Variants in C12orf54 observed in about 807,000 individuals in gnomAD.
C12orf54 encodes the protein chromosome 12 open reading frame 54, also known as uncharacterized protein C12orf54.
C12orf54 carries 24 observed loss-of-function variants against 26.4 expected under a neutral mutation model. That is an observed-to-expected ratio of 0.91 (90% CI 0.66 to 1.28). C12orf54 has a LOEUF of 1.28. Ranked by LOEUF, C12orf54 falls within the 50% of genes most tolerant of loss-of-function variation. The pLI is 0.00. For missense variants in C12orf54, 154 were observed against 150.9 expected (o/e 1.02, Z -0.11); for synonymous variants, 54 against 47.0 (o/e 1.15, Z -0.61).
At chr12:48,416,605 T>C in the C12orf54 span, among the ~76,000 whole-genome samples, 1 of 152,182 alleles carries the variant, frequency 6.6e-6, no homozygotes, top group African/African-American at 2.4e-5. Context: ...CTCATGCCTG[T>C]AATCCTAGCA....
the C12orf54 span, among the ~76,000 whole-genome samples, chr12:48,423,498 A>T: frequency 1.3e-5 from 2 of 152,210 alleles, no homozygotes; most frequent in East Asian, 3.9e-4. Context: ...GAAAGTATGC[A>T]AAAATTCAGT....
At chr12:48,490,205 G>A (rs1222994117) in intron 5 of C12orf54, among the ~76,000 whole-genome samples, 1 of 152,236 alleles carries the variant, frequency 6.6e-6, no homozygotes, top group Non-Finnish European at 1.5e-5. Flanking sequence ...TGAATTGTGT[G>A]TCTCCCACCC....
At chr12:48,462,867 T>TA in the C12orf54 span, among the ~76,000 whole-genome samples, 1 of 151,808 alleles carries the variant, frequency 6.6e-6, no homozygotes, top group Non-Finnish European at 1.5e-5. Context: ...ACCACTTCTA[T>TA]TAAACATTGT....
At chr12:48,472,733 C>T in the C12orf54 span, 6 of 1,614,012 alleles carry the variant, frequency 3.7e-6, no homozygotes, top group South Asian at 3.3e-5. Flanking sequence ...AAGAACTTTT[C>T]CTGGACAACA....
At chr12:48,419,581 A>T in the C12orf54 span, among the ~76,000 whole-genome samples, 1 of 152,150 alleles carries the variant, frequency 6.6e-6, no homozygotes, top group Non-Finnish European at 1.5e-5. Flanking sequence ...TCAAGGAGGG[A>T]TAGATGATGG....
At chr12:48,477,334 G>T in the C12orf54 span, among the ~76,000 whole-genome samples, 2 of 152,144 alleles carry the variant, frequency 1.3e-5, no homozygotes, top group Non-Finnish European at 2.9e-5. Flanking sequence ...ACAATTAAAA[G>T]AACTAGAAAA....
the C12orf54 span, among the ~76,000 whole-genome samples, chr12:48,462,554 TTACTC>T: frequency 3.3e-5 from 5 of 151,584 alleles, no homozygotes; most frequent in African/African-American, 4.8e-5. Flanking sequence ...TAAGTGGGGT[TTACTC>T]TAAGAATGCA....
At chr12:48,441,847 A>G in the C12orf54 span, among the ~76,000 whole-genome samples, 12 of 152,030 alleles carry the variant, frequency 7.9e-5, 1 homozygote, top group Admixed American at 5.9e-4. Context: ...CAGAAAAGGT[A>G]AATTTTCCAC....
chr12:48,493,604 G>A (rs1425190084), intron 7 of C12orf54, among the ~76,000 whole-genome samples: 2 of 121,524 alleles, frequency 1.6e-5, no homozygotes, highest in African/African-American at 6.6e-5. Context: ...CTGGGCTGGA[G>A]ACAGAGCAAA....
intron 2 of C12orf54, 155 bp downstream of exon 2, chr12:48,483,516 A>G (rs962845161): frequency 2.0e-5 from 12 of 587,984 alleles, no homozygotes; most frequent in Non-Finnish European, 3.6e-5. Context: ...CCTCTTCTCC[A>G]TCTCCTTAAT....
the C12orf54 span, among the ~76,000 whole-genome samples, chr12:48,415,703 AGAT>A: frequency 6.6e-6 from 1 of 152,250 alleles, no homozygotes; most frequent in East Asian, 1.9e-4. Flanking sequence ...CGTTTTCCTT[AGAT>A]GTTCTATGCC....
At chr12:48,424,843 T>C in the C12orf54 span, among the ~76,000 whole-genome samples, 1 of 152,148 alleles carries the variant, frequency 6.6e-6, no homozygotes, top group Admixed American at 6.5e-5. Flanking sequence ...ATTTTGATTC[T>C]ATTTATGTGA....
At chr12:48,472,672 T>A in the C12orf54 span, 3 of 1,614,076 alleles carry the variant, frequency 1.9e-6, no homozygotes, top group East Asian at 4.5e-5. Context: ...GAGATGGAGA[T>A]GGGCAAATGG....
chr12:48,449,622 T>C, the C12orf54 span, among the ~76,000 whole-genome samples: 1 of 152,224 alleles, frequency 6.6e-6, no homozygotes, highest in Non-Finnish European at 1.5e-5. Flanking sequence ...AGAAAGTTCC[T>C]TACTATTTCC....
At chr12:48,418,522 T>G in the C12orf54 span, among the ~76,000 whole-genome samples, 1 of 152,130 alleles carries the variant, frequency 6.6e-6, no homozygotes, top group Non-Finnish European at 1.5e-5. Flanking sequence ...TTAGTCTGTG[T>G]AAAAAGAGAA....
chr12:48,431,743 T>C, the C12orf54 span, among the ~76,000 whole-genome samples: 1 of 152,222 alleles, frequency 6.6e-6, no homozygotes, highest in Non-Finnish European at 1.5e-5. Flanking sequence ...TTGATATCAG[T>C]ATTGGATGTC....
the C12orf54 span, among the ~76,000 whole-genome samples, chr12:48,448,282 A>G: frequency 6.6e-6 from 1 of 152,238 alleles, no homozygotes; most frequent in Non-Finnish European, 1.5e-5. Context: ...ACAGCAGTAG[A>G]AAATGAATAT....
At chr12:48,495,422 G>C (rs1937891324) in intron 8 of C12orf54, 1 of 154,036 alleles carries the variant, frequency 6.5e-6, no homozygotes, top group Admixed American at 6.4e-5. Context: ...TCAAGAGTCA[G>C]ACACAGTCTA....
At chr12:48,469,305 G>A in the C12orf54 span, among the ~76,000 whole-genome samples, 1 of 152,082 alleles carries the variant, frequency 6.6e-6, no homozygotes, top group Non-Finnish European at 1.5e-5. Flanking sequence ...GCCATTTTAG[G>A]GACTCCCCCT....
Sources: gnomAD v4.1 joint callset for allele counts (sites outside exome capture counted in the v4.1 genomes callset) on GRCh38, gnomAD v4.1.1 for gene constraint, MANE v1.5 for transcripts, NCBI Gene and HGNC (gene_info 2026-07-23, HGNC 2026-07-21) for gene names.